The following SH3D19 variants were observed in gnomAD, a reference collection of about 807,000 sequenced individuals.
The protein encoded by SH3D19 is SH3 domain-containing protein 19.
In SH3D19, 58 loss-of-function variants were observed where a neutral mutation model predicts 112.1. The observed-to-expected ratio is 0.52, with a 90% CI of 0.42 to 0.64. The LOEUF (loss-of-function observed/expected upper bound fraction) is 0.64, where lower values mean the gene tolerates loss of function less well. Ranked by LOEUF, SH3D19 falls within the 30% of genes least tolerant of loss-of-function variation. The pLI, the probability that SH3D19 is intolerant of heterozygous loss-of-function variation, is 0.00. For synonymous variants in SH3D19, 391 were observed against 448.5 expected (o/e 0.87, Z 1.62); for missense variants, 1,090 against 1,263.4 (o/e 0.86, Z 2.08).
chr4:151,198,260 A>ACACCACTG (rs1382824015), intron 2 of SH3D19, among the ~76,000 whole-genome samples: 1 of 149,280 alleles, frequency 6.7e-6, no homozygotes, highest in African/African-American at 2.5e-5. Flanking sequence ...AGCTGAGATC[A>ACACCACTG]CACCACTGCA....
chr4:151,214,228 C>T (rs944312355), intron 2 of SH3D19, among the ~76,000 whole-genome samples: 54 of 152,114 alleles, frequency 3.5e-4, no homozygotes, highest in Admixed American at 2.0e-3. Flanking sequence ...AAGAATCTTT[C>T]TTAGTACAGA....
intron 1 of SH3D19, among the ~76,000 whole-genome samples, chr4:151,239,033 T>C (rs1021243870): frequency 6.6e-6 from 1 of 152,228 alleles, no homozygotes; most frequent in Non-Finnish European, 1.5e-5. Context: ...TTCTGATTTT[T>C]CACAGTTCTA....
intron 1 of SH3D19, chr4:151,227,912 C>A (rs1193236025): frequency 1.0e-6 from 1 of 985,246 alleles, no homozygotes; most frequent in African/African-American, 1.7e-5. Context: ...AACAGAGTCA[C>A]GATGCATGTA....
chr4:151,224,079 G>A (rs1768546579), intron 2 of SH3D19, among the ~76,000 whole-genome samples: 1 of 152,138 alleles, frequency 6.6e-6, no homozygotes, highest in Admixed American at 6.5e-5. Context: ...GGAGGCCGAG[G>A]CAGGTGGATC....
intron 1 of SH3D19, among the ~76,000 whole-genome samples, chr4:151,237,818 G>A (rs796499290): frequency 2.6e-5 from 4 of 152,196 alleles, no homozygotes; most frequent in African/African-American, 9.6e-5. Context: ...TGTCGAACAG[G>A]GATTTCTTAA....
At chr4:151,201,984 C>T (rs1764458095) in intron 2 of SH3D19, among the ~76,000 whole-genome samples, 1 of 150,992 alleles carries the variant, frequency 6.6e-6, no homozygotes, top group African/African-American at 2.4e-5. Context: ...TGGACTCCAG[C>T]CTGGGCGGTA....
intron 3 of SH3D19, among the ~76,000 whole-genome samples, chr4:151,185,058 T>G (rs949529430): frequency 3.3e-5 from 5 of 150,276 alleles, no homozygotes; most frequent in Middle Eastern, 3.4e-3. Flanking sequence ...TTTTTTTTTT[T>G]TTTTTTTTTT....
chr4:151,191,391 C>T (rs4615157), intron 2 of SH3D19, among the ~76,000 whole-genome samples: 151,268 of 152,248 alleles, frequency 0.99, 75,150 homozygotes, highest in East Asian at 1. Context: ...GGTGAAATGA[C>T]ATGGTTTGGC....
At chr4:151,219,083 A>G (rs948640862) in intron 2 of SH3D19, among the ~76,000 whole-genome samples, 1 of 152,210 alleles carries the variant, frequency 6.6e-6, no homozygotes, top group African/African-American at 2.4e-5. Context: ...GCTACTCTGA[A>G]CTGACAAAGA....
At chr4:151,314,463 G>A (rs953466858) in intron 1 of SH3D19, among the ~76,000 whole-genome samples, 2 of 152,116 alleles carry the variant, frequency 1.3e-5, no homozygotes, top group Non-Finnish European at 2.9e-5. Flanking sequence ...CTATTCCAAA[G>A]ATGTAAAAAA....
At position 151,269,540 on chromosome 4, in the gene SH3D19, T is replaced by A. The variant is rs185602274; in HGVS notation, c.113-43454A>T. On this transcript the variant is annotated intron_variant, in intron 1 of 19. Coordinates refer to ENST00000604030, the MANE Select transcript of SH3D19 (RefSeq NM_001378122.1). The stretch of plus-strand genomic sequence containing the variant: ...CCCATGCCTATGTCCTGAATTGTAA[T>A]GCCTAGCTTTTCTTCTAGGGTTTTT... Among the ~76,000 whole-genome samples, 600 of 152,310 alleles carry A rather than the reference T, an allele frequency of 3.9e-3. 2 individuals carry two copies. The highest frequency in any genetic ancestry group is 6.2e-3 in the Non-Finnish European group (419 of 68,014).
chr4:151,202,862 T>C (rs1764593370), intron 2 of SH3D19, among the ~76,000 whole-genome samples: 2 of 152,224 alleles, frequency 1.3e-5, no homozygotes, highest in Non-Finnish European at 2.9e-5. Flanking sequence ...GTGATAAAGT[T>C]GGACATTTTG....
At chr4:151,290,991 C>T (rs1251251531) in intron 1 of SH3D19, 3 of 647,410 alleles carry the variant, frequency 4.6e-6, no homozygotes, top group Non-Finnish European at 7.9e-6. Context: ...ATTAGTCCAG[C>T]CCCCTGCAGG....
At chr4:151,149,409 T>A (rs1030837261) in intron 10 of SH3D19, 91 bp downstream of exon 10, 1 of 1,037,766 alleles carries the variant, frequency 9.6e-7, no homozygotes, top group African/African-American at 1.6e-5. Context: ...TAAAAAAAGA[T>A]TCAAGGCCAA....
At chr4:151,145,842 T>G (rs911665756) in intron 11 of SH3D19, among the ~76,000 whole-genome samples, 1 of 152,222 alleles carries the variant, frequency 6.6e-6, no homozygotes, top group Admixed American at 6.5e-5. Context: ...GCATGTTACT[T>G]TATGTCTCTG....
intron 2 of SH3D19, among the ~76,000 whole-genome samples, chr4:151,201,848 C>T (rs1333173122): frequency 1.3e-5 from 2 of 150,862 alleles, no homozygotes; most frequent in African/African-American, 4.9e-5. Context: ...TCTGTCTCTA[C>T]TAAAAATACA....
At chr4:151,267,736 T>C (rs959646129) in intron 1 of SH3D19, among the ~76,000 whole-genome samples, 1 of 152,212 alleles carries the variant, frequency 6.6e-6, no homozygotes, top group Non-Finnish European at 1.5e-5. Context: ...GGGAAATGTA[T>C]TTTGTTAGTG....
In SH3D19 at chr4:151,162,751, T is replaced by C. The variant is rs1757379056; in HGVS notation, c.1642+2838A>G. 2.6e-5 allele frequency among the ~76,000 whole-genome samples: 4 copies of C among 152,006 alleles called. No individual in the cohort carries two copies. The South Asian group carries it at 8.3e-4, about 32-fold the overall frequency. ...CACCATGCCCGGCTTATTTTTGTAT[T>C]TCTAGTAGAGATGGGGTTTCACTAT... On this transcript the variant is annotated intron_variant, in intron 8 of 19. Coordinates refer to ENST00000604030, the MANE Select transcript of SH3D19 (RefSeq NM_001378122.1).
intron 2 of SH3D19, among the ~76,000 whole-genome samples, chr4:151,211,550 C>CA (rs1239548208): frequency 6.7e-6 from 1 of 149,286 alleles, no homozygotes; most frequent in Non-Finnish European, 1.5e-5. Flanking sequence ...AGGCCTCTTC[C>CA]ACCACACATT....
Sources: gnomAD v4.1 joint callset for allele counts (sites outside exome capture counted in the v4.1 genomes callset) on GRCh38, gnomAD v4.1.1 for gene constraint, MANE v1.5 for transcripts, NCBI Gene and HGNC (gene_info 2026-07-23, HGNC 2026-07-21) for gene names.